CLSTN2: variants seen among roughly 807,000 people sequenced by gnomAD.
CLSTN2 encodes calsyntenin 2.
CLSTN2 carries 48 observed loss-of-function variants against 101.2 expected under a neutral mutation model. That is an observed-to-expected ratio of 0.47 (90% CI 0.38 to 0.60). The LOEUF is 0.60. Ranked by LOEUF, CLSTN2 falls within the 20% of genes least tolerant of loss-of-function variation. The pLI, the probability that CLSTN2 is intolerant of heterozygous loss-of-function variation, is 0.00. For missense variants in CLSTN2, 1,160 were observed against 1,238.2 expected, an observed-to-expected ratio of 0.94 and a Z score of 0.95; for synonymous variants, 481 against 463.6, an observed-to-expected ratio of 1.04 and a Z score of -0.48.
intron 1 of CLSTN2, among the ~76,000 whole-genome samples, chr3:140,067,330 G>A (rs1013807515): frequency 1.3e-4 from 20 of 152,092 alleles, no homozygotes; most frequent in Admixed American, 3.3e-4. Flanking sequence ...TGCAAAATTC[G>A]TGTTCAGCTC....
Position 140,566,591 on chromosome 3 carries a change from A to G in CLSTN2, c.*338A>G, listed in dbSNP as rs529017596. 2 of 316,392 alleles carry G rather than the reference A, an allele frequency of 6.3e-6. No homozygotes were observed. Among genetic ancestry groups the G allele is most frequent in the African/African-American group, 2.1e-5 (1 of 47,600 alleles). The allele number at this position is 316,392 out of a possible 1,614,324, so 19.6% of individuals were successfully genotyped here. A position where few individuals can be genotyped will look rare whatever the true frequency, so the allele number is the denominator to read the frequency against. On this transcript the variant is annotated 3_prime_UTR_variant, in exon 17 of 17. Coordinates refer to ENST00000458420, the MANE Select transcript of CLSTN2 (RefSeq NM_022131.3). ...AAGAAGGCCCACCTTTGTGTCACTCACCTCCCCAGGCTCAGAGTCCCCAAG... is the reference window on the plus strand; with the variant it reads ...AAGAAGGCCCACCTTTGTGTCACTCGCCTCCCCAGGCTCAGAGTCCCCAAG...
chr3:140,281,528 G>C (rs931122087), intron 2 of CLSTN2, among the ~76,000 whole-genome samples: 1 of 152,106 alleles, frequency 6.6e-6, no homozygotes, highest in East Asian at 1.9e-4. Flanking sequence ...CCAGAAACAC[G>C]TAGAGGAAGG....
intron 8 of CLSTN2, among the ~76,000 whole-genome samples, chr3:140,474,869 A>C (rs1933943256): frequency 6.6e-6 from 1 of 152,134 alleles, no homozygotes; most frequent in Non-Finnish European, 1.5e-5. Context: ...CCTCACCCAA[A>C]GGGGTGCAGA....
chr3:140,022,903 C>T (rs938326926), intron 1 of CLSTN2, among the ~76,000 whole-genome samples: 5 of 152,204 alleles, frequency 3.3e-5, no homozygotes, highest in Non-Finnish European at 5.9e-5. Flanking sequence ...AGTCCCTGTG[C>T]GAGCCCCTCC....
At chr3:140,401,479 T>C (rs998274846) in intron 2 of CLSTN2, among the ~76,000 whole-genome samples, 8 of 152,230 alleles carry the variant, frequency 5.3e-5, no homozygotes, top group Non-Finnish European at 7.3e-5. Flanking sequence ...AAACTTTATC[T>C]TGTCTTCCCT....
At position 140,139,588 on chromosome 3, in the gene CLSTN2, G is replaced by A. The variant is rs537946201; in HGVS notation, c.110-36363G>A. 3.3e-5 allele frequency among the ~76,000 whole-genome samples: 5 copies of A among 152,306 alleles called. No homozygotes were observed. The South Asian group carries it at 1.0e-3, about 32-fold the overall frequency. ...AACCTAGGCGTCTGGATTTTTCAAA[G>A]CTCCCCAGCTGGTTCCAATGTGCAG... On this transcript the variant is annotated intron_variant, in intron 1 of 16. Coordinates refer to ENST00000458420, the MANE Select transcript of CLSTN2 (RefSeq NM_022131.3).
At chr3:140,037,134 T>C (rs75149634) in intron 1 of CLSTN2, among the ~76,000 whole-genome samples, 5,608 of 152,240 alleles carry the variant, frequency 0.037, 331 homozygotes, top group African/African-American at 0.12. Context: ...TTTTAAACCT[T>C]CTTAATTATT....
chr3:140,125,075 A>T (rs976946337), intron 1 of CLSTN2, among the ~76,000 whole-genome samples: 3 of 152,152 alleles, frequency 2.0e-5, no homozygotes, highest in African/African-American at 7.2e-5. Context: ...GTGGGATGCA[A>T]GTGATTCATG....
At chr3:139,940,482 A>G (rs1935107919) in intron 1 of CLSTN2, among the ~76,000 whole-genome samples, 1 of 152,148 alleles carries the variant, frequency 6.6e-6, no homozygotes, top group Admixed American at 6.5e-5. Context: ...CTAAATATAC[A>G]ATGACTAATT....
chr3:140,121,306 G>A (rs139864451), intron 1 of CLSTN2, among the ~76,000 whole-genome samples: 13 of 152,108 alleles, frequency 8.5e-5, no homozygotes, highest in East Asian at 5.8e-4. Context: ...TTCCTCTCAC[G>A]TGAAATGGGT....
intron 1 of CLSTN2, among the ~76,000 whole-genome samples, chr3:140,029,659 C>A (rs1304569305): frequency 2.0e-5 from 3 of 152,146 alleles, no homozygotes; most frequent in Admixed American, 1.3e-4. Context: ...GCACAGAAAC[C>A]AAACACATAG....
chr3:140,364,377 C>A (rs2087761805), intron 2 of CLSTN2, among the ~76,000 whole-genome samples: 1 of 152,150 alleles, frequency 6.6e-6, no homozygotes, highest in African/African-American at 2.4e-5. Context: ...GTTTGAGAAA[C>A]CAACAATTAC....
intron 4 of CLSTN2, among the ~76,000 whole-genome samples, chr3:140,410,276 G>A (rs2088348473): frequency 6.6e-6 from 1 of 151,976 alleles, no homozygotes; most frequent in East Asian, 1.9e-4. Flanking sequence ...CAAAGACACA[G>A]CGAATTTTGA....
intron 1 of CLSTN2, among the ~76,000 whole-genome samples, chr3:140,060,723 T>C (rs2008190055): frequency 6.6e-6 from 1 of 152,214 alleles, no homozygotes; most frequent in African/African-American, 2.4e-5. Context: ...TAACAAGGCC[T>C]GCGGTTGACC....
chr3:140,531,230 C>A (rs1935249285), intron 8 of CLSTN2, among the ~76,000 whole-genome samples: 1 of 152,146 alleles, frequency 6.6e-6, no homozygotes, highest in African/African-American at 2.4e-5. Context: ...CTTCCAAAGT[C>A]CCCTAAAATA....
At chr3:140,444,080 C>T (rs893441829) in intron 5 of CLSTN2, among the ~76,000 whole-genome samples, 54 of 152,220 alleles carry the variant, frequency 3.5e-4, no homozygotes, top group African/African-American at 1.2e-3. Context: ...ATAAATTGAA[C>T]GTTAAACATG....
intron 1 of CLSTN2, among the ~76,000 whole-genome samples, chr3:140,111,470 C>T (rs2009154458): frequency 6.6e-6 from 1 of 152,148 alleles, no homozygotes; most frequent in African/African-American, 2.4e-5. Context: ...GAGACAACCC[C>T]TGAAGCCAAG....
At chr3:140,419,673 ATG>A (rs2088475598) in intron 4 of CLSTN2, among the ~76,000 whole-genome samples, 2 of 63,384 alleles carry the variant, frequency 3.2e-5, no homozygotes, top group Admixed American at 2.7e-4. Flanking sequence ...ATATATGAAT[ATG>A]TATATACGTA....
chr3:140,345,776 A>G (rs1375773927), intron 2 of CLSTN2, among the ~76,000 whole-genome samples: 2 of 151,990 alleles, frequency 1.3e-5, no homozygotes, highest in Admixed American at 1.3e-4. Context: ...TTTTTAATCC[A>G]CTTCAGACTT....
Sources: gnomAD v4.1 joint callset for allele counts (sites outside exome capture counted in the v4.1 genomes callset) on GRCh38, gnomAD v4.1.1 for gene constraint, MANE v1.5 for transcripts, NCBI Gene and HGNC (gene_info 2026-07-23, HGNC 2026-07-21) for gene names.